Variants in KIAA0319 observed in about 807,000 individuals in gnomAD.
KIAA0319 encodes KIAA0319.
KIAA0319 carries 83 observed loss-of-function variants against 108.4 expected under a neutral mutation model. The ratio of observed to expected loss-of-function variants is 0.77; its 90% confidence interval spans 0.64 to 0.92. KIAA0319 has a LOEUF of 0.92. Among genes scored for constraint, KIAA0319 ranks in the 40% least tolerant of loss-of-function variants. The probability of loss-of-function intolerance (pLI) is 0.00; values close to 1 mark genes in which losing one functional copy is unlikely to be tolerated. For missense variants in KIAA0319, 1,195 were observed against 1,322.4 expected (o/e 0.90, Z 1.49); for synonymous variants, 484 against 510.4 (o/e 0.95, Z 0.70).
At chr6:24,632,811 A>G (rs1232154640) in intron 1 of KIAA0319, among the ~76,000 whole-genome samples, 2 of 152,236 alleles carry the variant, frequency 1.3e-5, no homozygotes, top group African/African-American at 4.8e-5. Flanking sequence ...GTGCCAATCA[A>G]CACAGAGGAT....
chr6:24,584,417 G>C (rs1767120428), intron 4 of KIAA0319, among the ~76,000 whole-genome samples: 2 of 94,752 alleles, frequency 2.1e-5, no homozygotes, highest in South Asian at 7.0e-4. Flanking sequence ...ACTACACAGA[G>C]AAAAGCAAAG....
chr6:24,585,196 C>G (rs557642114), intron 4 of KIAA0319, among the ~76,000 whole-genome samples: 1 of 152,216 alleles, frequency 6.6e-6, no homozygotes, highest in East Asian at 1.9e-4. Flanking sequence ...CCAGAACATG[C>G]CACCCCAAAA....
At chr6:24,563,162 A>T (rs1763328038) in intron 16 of KIAA0319, among the ~76,000 whole-genome samples, 197 bp downstream of exon 16, 1 of 152,246 alleles carries the variant, frequency 6.6e-6, no homozygotes, top group Admixed American at 6.5e-5. Context: ...GCAAACATTT[A>T]CTGAGAATTT....
At chr6:24,642,198 A>AAG (rs1777033622) in intron 1 of KIAA0319, among the ~76,000 whole-genome samples, 2 of 148,376 alleles carry the variant, frequency 1.3e-5, no homozygotes, top group East Asian at 2.0e-4. Flanking sequence ...GAGAGAAAGA[A>AAG]AGAGAAAGAA....
intron 1 of KIAA0319, among the ~76,000 whole-genome samples, chr6:24,635,508 T>G (rs1776088600): frequency 6.6e-6 from 1 of 152,228 alleles, no homozygotes; most frequent in Admixed American, 6.5e-5. Flanking sequence ...CAGAGAATGC[T>G]TTAAAAGCAG....
intron 16 of KIAA0319, among the ~76,000 whole-genome samples, 191 bp from the exon 17 acceptor site, chr6:24,559,346 G>A (rs761910684): frequency 2.6e-5 from 4 of 152,220 alleles, no homozygotes; most frequent in East Asian, 3.8e-4. Flanking sequence ...CAGTCTCAAC[G>A]TACAGCTGAT....
intron 1 of KIAA0319, among the ~76,000 whole-genome samples, chr6:24,621,624 A>G (rs1038418361): frequency 6.6e-6 from 1 of 152,222 alleles, no homozygotes; most frequent in Non-Finnish European, 1.5e-5. Context: ...ACTGGGGGGA[A>G]AAACTGTGAG....
chr6:24,563,989 GT>G (rs971021916), intron 15 of KIAA0319, among the ~76,000 whole-genome samples: 1 of 152,114 alleles, frequency 6.6e-6, no homozygotes, highest in African/African-American at 2.4e-5. Context: ...AGAAAATCTA[GT>G]TGCCAGATAA....
intron 20 of KIAA0319, among the ~76,000 whole-genome samples, chr6:24,550,475 T>C (rs1284094221): frequency 6.6e-6 from 1 of 152,194 alleles, no homozygotes; most frequent in Non-Finnish European, 1.5e-5. Flanking sequence ...GCCAGAGAAG[T>C]TTCATTAAGT....
At chr6:24,580,409 C>T (rs1297105227) in intron 7 of KIAA0319, among the ~76,000 whole-genome samples, 2 of 141,162 alleles carry the variant, frequency 1.4e-5, no homozygotes, top group Non-Finnish European at 3.0e-5. Flanking sequence ...TTGATTGGGT[C>T]GGTTGTGCCC....
At chr6:24,602,578 A>T (rs35374669) in intron 1 of KIAA0319, among the ~76,000 whole-genome samples, 4,791 of 152,258 alleles carry the variant, frequency 0.031, 121 homozygotes, top group Middle Eastern at 0.085. Flanking sequence ...AGGCGGGTGG[A>T]TCACGAGGTC....
intron 2 of KIAA0319, chr6:24,598,343 C>A: frequency 1.5e-6 from 1 of 666,168 alleles, no homozygotes. Flanking sequence ...AAGTTTACCT[C>A]CTTTATCAAC....
intron 8 of KIAA0319, among the ~76,000 whole-genome samples, chr6:24,579,508 T>C (rs1766126325): frequency 6.9e-6 from 1 of 145,592 alleles, no homozygotes; most frequent in South Asian, 2.1e-4. Flanking sequence ...ATATCTCATA[T>C]ATATCTTATA....
chr6:24,556,057 T>C (rs1404236346), intron 18 of KIAA0319, among the ~76,000 whole-genome samples: 1 of 152,178 alleles, frequency 6.6e-6, no homozygotes, highest in Non-Finnish European at 1.5e-5. Flanking sequence ...CCAAGTGAGC[T>C]GGTTCACTTG....
chr6:24,553,001 T>A (rs1158218078), intron 19 of KIAA0319, among the ~76,000 whole-genome samples: 1 of 151,862 alleles, frequency 6.6e-6, no homozygotes, highest in Non-Finnish European at 1.5e-5. Context: ...GGACAGAGGG[T>A]TGAGCATGGG....
intron 1 of KIAA0319, among the ~76,000 whole-genome samples, chr6:24,603,347 C>A (rs749352156): frequency 6.6e-6 from 1 of 152,128 alleles, no homozygotes; most frequent in Non-Finnish European, 1.5e-5. Context: ...GATCTGTACT[C>A]CAAGTGCTTA....
At chr6:24,638,759 C>CA (rs70974924) in intron 1 of KIAA0319, among the ~76,000 whole-genome samples, 122 of 140,678 alleles carry the variant, frequency 8.7e-4, no homozygotes, top group East Asian at 8.3e-3. Context: ...GACTCCGTCT[C>CA]AAAAAAAAAA....
intron 3 of KIAA0319, among the ~76,000 whole-genome samples, chr6:24,590,900 C>T (rs904157351): frequency 3.9e-5 from 6 of 152,176 alleles, no homozygotes; most frequent in African/African-American, 1.4e-4. Context: ...CAAACCCCTC[C>T]AAAGAAAAAT....
intron 9 of KIAA0319, 41 bp downstream of exon 9, chr6:24,578,069 G>C (rs574239437): frequency 1.3e-6 from 2 of 1,548,512 alleles, no homozygotes. Flanking sequence ...CAGTCAAAAT[G>C]TAAGTAGCAG....
Sources: allele counts gnomAD v4.1 joint callset (sites outside exome capture counted in the v4.1 genomes callset), GRCh38; gene constraint gnomAD v4.1.1; transcripts MANE v1.5; gene names NCBI Gene and HGNC (gene_info 2026-07-23, HGNC 2026-07-21).